The following NCOA1 variants were observed in gnomAD, a reference collection of about 807,000 sequenced individuals.
NCOA1 encodes Hin-2 protein.
NCOA1 carries 35 observed loss-of-function variants against 150.9 expected under a neutral mutation model. That is an observed-to-expected ratio of 0.23 (90% CI 0.18 to 0.31). The LOEUF is 0.31. NCOA1 is among the 10% of genes least tolerant of loss of function. The pLI, the probability that NCOA1 is intolerant of heterozygous loss-of-function variation, is 1.00. For missense variants in NCOA1, 1,491 were observed against 1,749.3 expected (o/e 0.85, Z 2.63); for synonymous variants, 590 against 630.0 (o/e 0.94, Z 0.95).
At chr2:24,648,539 G>A (rs1670576619) in intron 4 of NCOA1, among the ~76,000 whole-genome samples, 4 of 152,164 alleles carry the variant, frequency 2.6e-5, no homozygotes, top group Admixed American at 2.6e-4. Flanking sequence ...CTGAAGCGCT[G>A]GGATTACAGG....
intron 2 of NCOA1, among the ~76,000 whole-genome samples, chr2:24,579,434 AAAGAGC>A (rs1667112922): frequency 6.6e-6 from 1 of 152,174 alleles, no homozygotes. Context: ...TTTGATATTG[AAAGAGC>A]TATATAATTC....
intron 3 of NCOA1, among the ~76,000 whole-genome samples, chr2:24,640,210 G>A (rs1035841461): frequency 1.3e-5 from 2 of 151,560 alleles, no homozygotes; most frequent in African/African-American, 2.4e-5. Context: ...CTTTAGAAAC[G>A]TGTTATATAA....
At chr2:24,660,130 C>G (rs542090004) in intron 5 of NCOA1, among the ~76,000 whole-genome samples, 1 of 152,194 alleles carries the variant, frequency 6.6e-6, no homozygotes, top group East Asian at 1.9e-4. Flanking sequence ...TGTCCAGATG[C>G]TGGGAGGAAG....
chr2:24,691,631 A>G lies in NCOA1; in HGVS notation c.683A>G (p.Gln228Arg), dbSNP rs1190363978. ...YEVMQCFTVS[Q>R]PKSIQEDGED... is the part of the protein sequence containing the mutation. ...GTAATGCAGTGTTTCACTGTGTCAC[A>G]GCCAAAATCAATTCAAGAGGATGGA... The change falls in exon 9 of 23, where the codon CAG becomes CGG. Residue 228 changes from glutamine (Q) to arginine (R), a missense_variant. Transcript: ENST00000348332. 1 of 1,614,108 alleles carries G rather than the reference A, an allele frequency of 6.2e-7. No homozygotes were observed. Among genetic ancestry groups the G allele is most frequent in the Non-Finnish European group, 8.5e-7 (1 of 1,179,956 alleles).
intron 1 of NCOA1, among the ~76,000 whole-genome samples, chr2:24,559,676 G>A (rs1461774986): frequency 6.6e-6 from 1 of 151,736 alleles, no homozygotes; most frequent in East Asian, 1.9e-4. Flanking sequence ...GTAGGTCATG[G>A]ACAGGAATAT....
chr2:24,603,807 G>A (rs538131154), intron 3 of NCOA1, among the ~76,000 whole-genome samples: 17 of 152,184 alleles, frequency 1.1e-4, no homozygotes, highest in Non-Finnish European at 2.2e-4. Flanking sequence ...TGTTAATGTT[G>A]ATATTTGATC....
chr2:24,611,641 T>C (rs973697908), intron 3 of NCOA1, among the ~76,000 whole-genome samples: 2 of 152,244 alleles, frequency 1.3e-5, no homozygotes, highest in African/African-American at 2.4e-5. Context: ...TTAAGTCTTT[T>C]TGTTGAATTG....
chr2:24,585,596 T>A (rs906553008), intron 3 of NCOA1, among the ~76,000 whole-genome samples: 4 of 152,126 alleles, frequency 2.6e-5, no homozygotes, highest in Admixed American at 6.5e-5. Flanking sequence ...TATTGGCTAT[T>A]GGTCTTTCGT....
At position 24,631,463 on chromosome 2, in the gene NCOA1, A is replaced by G. The variant is rs545595842; in HGVS notation, c.-174-12503A>G. Among the ~76,000 whole-genome samples, 290 of 152,308 alleles carry G rather than the reference A, an allele frequency of 1.9e-3. 1 individual carries two copies. Among genetic ancestry groups the G allele is most frequent in the African/African-American group, 6.9e-3 (286 of 41,578 alleles). ...TAATTGTTTTTGATAACAAATTTTC[A>G]TCACACCTCACAGTCAGTATACCGG... On this transcript the variant is annotated intron_variant, in intron 3 of 22. Coordinates refer to ENST00000348332, the MANE Select transcript of NCOA1 (RefSeq NM_003743.5).
At chr2:24,505,728 G>A (rs1396175026) in intron 1 of NCOA1, among the ~76,000 whole-genome samples, 4 of 152,128 alleles carry the variant, frequency 2.6e-5, no homozygotes, top group African/African-American at 9.7e-5. Flanking sequence ...GGCTTGGTCT[G>A]TCATAACACT....
chr2:24,601,886 T>G (rs2148358810), intron 3 of NCOA1, among the ~76,000 whole-genome samples: 1 of 152,182 alleles, frequency 6.6e-6, no homozygotes, highest in East Asian at 1.9e-4. Flanking sequence ...TCCACCTCCC[T>G]TGGCCTCCCA....
At chr2:24,511,328 G>T (rs574461910) in intron 1 of NCOA1, among the ~76,000 whole-genome samples, 1 of 152,284 alleles carries the variant, frequency 6.6e-6, no homozygotes, top group African/African-American at 2.4e-5. Flanking sequence ...TATGATAATT[G>T]TGTTTAACAT....
At chr2:24,672,566 T>A (rs1310020885) in intron 6 of NCOA1, among the ~76,000 whole-genome samples, 1 of 151,268 alleles carries the variant, frequency 6.6e-6, no homozygotes, top group Non-Finnish European at 1.5e-5. Flanking sequence ...AGCTAATTTT[T>A]AAAATTTTTT....
intron 22 of NCOA1, among the ~76,000 whole-genome samples, chr2:24,765,048 G>T (rs1305760158): frequency 6.6e-6 from 1 of 151,930 alleles, no homozygotes; most frequent in Non-Finnish European, 1.5e-5. Context: ...ATGGTGGCGG[G>T]CACCTGCAGT....
chr2:24,711,386 A>G lies in NCOA1; in HGVS notation c.2599+275A>G, dbSNP rs557609720. ...GTCGTCTCACCCAAAACACCCCATAACAGGACTTTCAGAAATACAGTATTG... is the reference window on the plus strand; with the variant it reads ...GTCGTCTCACCCAAAACACCCCATAGCAGGACTTTCAGAAATACAGTATTG... On this transcript the variant is annotated intron_variant, in intron 14 of 22. Transcript: ENST00000348332. The G allele has an allele frequency of 2.3e-5, 6 of 255,506 alleles. No homozygotes were observed. In the Admixed American group the frequency reaches 3.2e-4, roughly 14 times the overall value. The allele number at this position is 255,506 out of a possible 1,614,324, so 15.8% of individuals were successfully genotyped here. A position where few individuals can be genotyped will look rare whatever the true frequency, so the allele number is the denominator to read the frequency against.
At chr2:24,608,875 A>T (rs1221483345) in intron 3 of NCOA1, among the ~76,000 whole-genome samples, 1 of 151,830 alleles carries the variant, frequency 6.6e-6, no homozygotes, top group Admixed American at 6.6e-5. Context: ...CTGGCCAGAT[A>T]TTCTCTCTGT....
chr2:24,748,403 A>G (rs1664049847), intron 19 of NCOA1, among the ~76,000 whole-genome samples: 2 of 152,150 alleles, frequency 1.3e-5, no homozygotes, highest in Non-Finnish European at 2.9e-5. Context: ...CAAGGTCAGG[A>G]GATCAAGACC....
chr2:24,663,308 GA>G (rs1351425054), intron 5 of NCOA1, among the ~76,000 whole-genome samples: 1 of 152,044 alleles, frequency 6.6e-6, no homozygotes, highest in African/African-American at 2.4e-5. Flanking sequence ...CCCTACCACT[GA>G]GTTCATGTAT....
At chr2:24,659,010 C>A in intron 5 of NCOA1, 1 of 433,996 alleles carries the variant, frequency 2.3e-6, no homozygotes, top group Non-Finnish European at 4.2e-6. Flanking sequence ...TCATTACATA[C>A]TTAAAGAGAG....
Sources: gnomAD v4.1 joint callset for allele counts (sites outside exome capture counted in the v4.1 genomes callset) on GRCh38, gnomAD v4.1.1 for gene constraint, MANE v1.5 for transcripts, NCBI Gene and HGNC (gene_info 2026-07-23, HGNC 2026-07-21) for gene names.